The following FAT3 variants were observed in gnomAD, a reference collection of about 807,000 sequenced individuals.
FAT3 encodes FAT atypical cadherin 3.
In FAT3, 95 loss-of-function variants were observed where a neutral mutation model predicts 310.2. That is an observed-to-expected ratio of 0.31 (90% CI 0.26 to 0.36). The LOEUF is 0.36. Among genes scored for constraint, FAT3 ranks in the 10% least tolerant of loss-of-function variants. The probability of loss-of-function intolerance (pLI) is 1.00; values close to 1 mark genes in which losing one functional copy is unlikely to be tolerated. For synonymous variants in FAT3, 2,314 were observed against 2,192.9 expected (o/e 1.06, Z -1.54); for missense variants, 5,408 against 5,715.6 (o/e 0.95, Z 1.74).
At chr11:92,460,007 T>C (rs1951594310) in intron 2 of FAT3, among the ~76,000 whole-genome samples, 1 of 152,164 alleles carries the variant, frequency 6.6e-6, no homozygotes, top group Non-Finnish European at 1.5e-5. Flanking sequence ...GTTTTGTCTT[T>C]GGCCCAGGGT....
At chr11:92,607,624 C>T (rs566276228) in intron 3 of FAT3, among the ~76,000 whole-genome samples, 3 of 152,256 alleles carry the variant, frequency 2.0e-5, no homozygotes, top group South Asian at 2.1e-4. Context: ...ATACTTTAAA[C>T]GTGTATTTTG....
chr11:92,415,086 C>T (rs548777820), intron 2 of FAT3, among the ~76,000 whole-genome samples: 28 of 152,088 alleles, frequency 1.8e-4, no homozygotes, highest in Middle Eastern at 3.4e-3. Context: ...GCAGTGACAT[C>T]GCTGCTTCAG....
chr11:92,587,628 G>C lies in FAT3; in HGVS notation c.3607+62680G>C, dbSNP rs190988139. On this transcript the variant is annotated intron_variant, in intron 3 of 27. Coordinates refer to ENST00000525166, the MANE Select transcript of FAT3 (RefSeq NM_001367949.2). ...GTTTGAGTATTTCATTCTGTTTTTA[G>C]AATGATGAGTTTATTGAATTCAGGC... Among the ~76,000 whole-genome samples, 9 of 151,986 alleles carry C rather than the reference G, an allele frequency of 5.9e-5. No homozygotes were observed. The East Asian group carries it at 1.7e-3, about 29-fold the overall frequency.
intron 1 of FAT3, among the ~76,000 whole-genome samples, chr11:92,276,626 T>C (rs1187159): frequency 0.63 from 95,010 of 152,004 alleles, 30,343 homozygotes; most frequent in African/African-American, 0.75. Flanking sequence ...GCATCTTCGG[T>C]CTGGGTGCCT....
intron 22 of FAT3, among the ~76,000 whole-genome samples, chr11:92,876,797 A>G (rs991825705): frequency 1.3e-5 from 2 of 152,256 alleles, no homozygotes; most frequent in African/African-American, 2.4e-5. Flanking sequence ...CAAAACATCC[A>G]TAAGAGCATA....
chr11:92,839,752 G>T (rs930702896), intron 17 of FAT3, among the ~76,000 whole-genome samples: 7 of 152,200 alleles, frequency 4.6e-5, no homozygotes, highest in African/African-American at 1.2e-4. Context: ...AGTCTAAACA[G>T]AGTAGGGGAA....
intron 25 of FAT3, 63 bp from the exon 26 acceptor site, chr11:92,889,125 TA>T: frequency 1.5e-6 from 1 of 665,242 alleles, no homozygotes; most frequent in Non-Finnish European, 2.8e-6. Flanking sequence ...AAGGTGTGTT[TA>T]AAATATACAA....
intron 2 of FAT3, among the ~76,000 whole-genome samples, chr11:92,382,437 C>T (rs548123964): frequency 3.3e-5 from 5 of 152,196 alleles, no homozygotes; most frequent in African/African-American, 1.2e-4. Context: ...GAATCACCTG[C>T]TGAGGCGCTG....
chr11:92,806,036 C>A (rs888680545), intron 11 of FAT3, among the ~76,000 whole-genome samples: 1 of 152,064 alleles, frequency 6.6e-6, no homozygotes, highest in Non-Finnish European at 1.5e-5. Flanking sequence ...AAACAGACAG[C>A]CATGGTCAAT....
At chr11:92,869,811 G>T (rs1949341485) in intron 22 of FAT3, among the ~76,000 whole-genome samples, 1 of 152,178 alleles carries the variant, frequency 6.6e-6, no homozygotes, top group Non-Finnish European at 1.5e-5. Context: ...TTTAATGAAA[G>T]AATATTTATG....
At chr11:92,848,057 T>G (rs140996162) in intron 19 of FAT3, among the ~76,000 whole-genome samples, 2 of 152,258 alleles carry the variant, frequency 1.3e-5, no homozygotes, top group Non-Finnish European at 2.9e-5. Flanking sequence ...GGTGGAATAA[T>G]TAGCATGATA....
rs1210161682 is a variant in FAT3, at chr11:92,895,503, C to A, written c.*4390C>A. On this transcript the variant is annotated 3_prime_UTR_variant, in exon 28 of 28. Transcript: ENST00000525166. ...ACACAAAGGCCATAATTAGTCTCTTCTAGTGTTTAGAATGCACTTGAGAAT... is the reference window on the plus strand; with the variant it reads ...ACACAAAGGCCATAATTAGTCTCTTATAGTGTTTAGAATGCACTTGAGAAT... The A allele has an allele frequency of 6.6e-6, 1 of 152,220 alleles. No individual in the cohort carries two copies. The highest frequency in any genetic ancestry group is 2.4e-5 in the African/African-American group (1 of 41,464). 9.4% of individuals were successfully genotyped at this position (152,220 alleles called of 1,614,324 possible). A position where few individuals can be genotyped will look rare whatever the true frequency, so the allele number is the denominator to read the frequency against.
chr11:92,539,116 A>G (rs1034534350), intron 3 of FAT3, among the ~76,000 whole-genome samples: 3 of 152,138 alleles, frequency 2.0e-5, no homozygotes, highest in Non-Finnish European at 4.4e-5. Flanking sequence ...TACATACTAA[A>G]TTGTTCATTT....
Position 92,882,679 on chromosome 11 carries a change from G to A in FAT3, c.12282-59G>A, listed in dbSNP as rs866877484. The A allele has an allele frequency of 4.1e-6, 6 of 1,446,164 alleles. No homozygotes were observed. In the East Asian group the frequency reaches 7.5e-5, roughly 18 times the overall value. The allele number at this position is 1,446,164 out of a possible 1,614,324, so 89.6% of individuals were successfully genotyped here. Reference sequence around the variant, plus strand: ...GATGTCTGTGTTTTCTCGAGTTCCCGTATACCAACGTGTGTGCACTGGTCC... The same window carrying A: ...GATGTCTGTGTTTTCTCGAGTTCCCATATACCAACGTGTGTGCACTGGTCC... On this transcript the variant is annotated intron_variant, in intron 23 of 27. Coordinates refer to ENST00000525166, the MANE Select transcript of FAT3 (RefSeq NM_001367949.2).
chr11:92,730,277 G>A (rs1945138115), intron 4 of FAT3, among the ~76,000 whole-genome samples: 1 of 152,180 alleles, frequency 6.6e-6, no homozygotes, highest in South Asian at 2.1e-4. Flanking sequence ...GTTCAAGGCT[G>A]CAGTGAGCCA....
chr11:92,530,345 T>G (rs1417685992), intron 3 of FAT3, among the ~76,000 whole-genome samples: 1 of 152,082 alleles, frequency 6.6e-6, no homozygotes, highest in Non-Finnish European at 1.5e-5. Flanking sequence ...CAAGGTTCTA[T>G]ATGAAACAAA....
At chr11:92,415,377 T>C (rs1032498642) in intron 2 of FAT3, among the ~76,000 whole-genome samples, 1 of 152,192 alleles carries the variant, frequency 6.6e-6, no homozygotes, top group Non-Finnish European at 1.5e-5. Context: ...GTTTGTGTGT[T>C]CTTGGCATGT....
At chr11:92,336,120 A>C (rs1027383807) in intron 1 of FAT3, 9 of 528,334 alleles carry the variant, frequency 1.7e-5, no homozygotes, top group South Asian at 1.3e-4. Flanking sequence ...TCGGTATTTC[A>C]CAAGCATCTC....
intron 4 of FAT3, among the ~76,000 whole-genome samples, chr11:92,710,221 GATCCA>G (rs1189818685): frequency 6.6e-6 from 1 of 152,200 alleles, no homozygotes; most frequent in Non-Finnish European, 1.5e-5. Context: ...TAGACTGAGC[GATCCA>G]GTGTTCTGAC....
Sources: gnomAD v4.1 joint callset for allele counts (sites outside exome capture counted in the v4.1 genomes callset) on GRCh38, gnomAD v4.1.1 for gene constraint, MANE v1.5 for transcripts, NCBI Gene and HGNC (gene_info 2026-07-23, HGNC 2026-07-21) for gene names.